The following RBFOX1 variants were observed in gnomAD, a reference collection of about 807,000 sequenced individuals.
The protein encoded by RBFOX1 is RNA binding fox-1 homolog 1, also known as RNA binding protein fox-1 homolog 1.
RBFOX1 carries 8 observed loss-of-function variants against 57.7 expected under a neutral mutation model. That is an observed-to-expected ratio of 0.14 (90% CI 0.08 to 0.25). The LOEUF (loss-of-function observed/expected upper bound fraction) is 0.25, where lower values mean the gene tolerates loss of function less well. Ranked by LOEUF, RBFOX1 falls within the 10% of genes least tolerant of loss-of-function variation. The probability of loss-of-function intolerance (pLI) is 1.00; values close to 1 mark genes in which losing one functional copy is unlikely to be tolerated. For synonymous variants in RBFOX1, 326 were observed against 222.4 expected (o/e 1.47, Z -4.15); for missense variants, 611 against 548.5 (o/e 1.11, Z -1.14).
intron 4 of RBFOX1, among the ~76,000 whole-genome samples, chr16:5,923,064 C>G (rs1473137214): frequency 2.6e-5 from 4 of 152,146 alleles, no homozygotes; most frequent in Non-Finnish European, 4.4e-5. Flanking sequence ...ATGGTTTTCA[C>G]ATTAACCTCT....
chr16:6,448,148 T>TTTTCTTTTC (rs1555478817), intron 2 of RBFOX1, among the ~76,000 whole-genome samples: 1 of 121,654 alleles, frequency 8.2e-6, no homozygotes, highest in African/African-American at 3.4e-5. Context: ...TTTTCTTTTC[T>TTTTCTTTTC]TTTCTTTCTT....
intron 3 of RBFOX1, among the ~76,000 whole-genome samples, chr16:6,798,663 C>G (rs1441856757): frequency 6.6e-6 from 1 of 152,134 alleles, no homozygotes; most frequent in African/African-American, 2.4e-5. Context: ...GCTTTTTTGG[C>G]TTTAATTTTG....
intron 13 of RBFOX1, among the ~76,000 whole-genome samples, chr16:7,666,981 T>A (rs1405964114): frequency 2.0e-5 from 3 of 152,286 alleles, no homozygotes; most frequent in Non-Finnish European, 4.4e-5. Context: ...AAACTGCCCT[T>A]TCTCTGACTT....
At chr16:6,652,278 A>G (rs1385435300) in intron 2 of RBFOX1, among the ~76,000 whole-genome samples, 1 of 152,126 alleles carries the variant, frequency 6.6e-6, no homozygotes, top group African/African-American at 2.4e-5. Flanking sequence ...GTGAAATCCC[A>G]TCTCTACTAA....
At chr16:6,224,264 G>C (rs1254900587) in intron 1 of RBFOX1, among the ~76,000 whole-genome samples, 2 of 151,972 alleles carry the variant, frequency 1.3e-5, no homozygotes, top group Non-Finnish European at 2.9e-5. Context: ...TAGCTTGATG[G>C]GGATGGCATT....
At chr16:5,292,665 C>G (rs748098348) in intron 1 of RBFOX1, among the ~76,000 whole-genome samples, 103 of 152,034 alleles carry the variant, frequency 6.8e-4, no homozygotes, top group Middle Eastern at 3.2e-3. Context: ...CTCTCTGTCA[C>G]CAGGCTGGAG....
intron 1 of RBFOX1, among the ~76,000 whole-genome samples, chr16:6,211,877 T>C (rs2152853971): frequency 6.6e-6 from 1 of 151,828 alleles, no homozygotes; most frequent in Middle Eastern, 3.4e-3. Context: ...TTTAACAGAG[T>C]CTCGCTCTGT....
intron 4 of RBFOX1, among the ~76,000 whole-genome samples, chr16:7,485,286 C>G (rs2065095283): frequency 6.6e-6 from 1 of 152,220 alleles, no homozygotes; most frequent in African/African-American, 2.4e-5. Context: ...CCTCATGTTT[C>G]CAGGCAGACC....
chr16:6,902,114 C>G (rs1375983655), intron 3 of RBFOX1, among the ~76,000 whole-genome samples: 2 of 152,112 alleles, frequency 1.3e-5, no homozygotes, highest in African/African-American at 2.4e-5. Context: ...AGGTGTCTTA[C>G]TTGAAACCAG....
At chr16:6,503,600 T>C (rs542609696) in intron 2 of RBFOX1, among the ~76,000 whole-genome samples, 2 of 152,312 alleles carry the variant, frequency 1.3e-5, no homozygotes, top group South Asian at 4.2e-4. Context: ...TGTGGCCTTT[T>C]CGGCAGGCTT....
chr16:7,168,220 G>C (rs913142111), intron 4 of RBFOX1, among the ~76,000 whole-genome samples: 2 of 152,188 alleles, frequency 1.3e-5, no homozygotes, highest in African/African-American at 4.8e-5. Context: ...TGGGAATGTG[G>C]TTCCCCTAGC....
chr16:6,098,206 T>C (rs942867568), intron 1 of RBFOX1, among the ~76,000 whole-genome samples: 2 of 152,202 alleles, frequency 1.3e-5, no homozygotes, highest in Admixed American at 1.3e-4. Flanking sequence ...GGAGGGCCTG[T>C]GTGACAGGCA....
chr16:7,203,486 T>C (rs2089184203), intron 4 of RBFOX1, among the ~76,000 whole-genome samples: 1 of 152,210 alleles, frequency 6.6e-6, no homozygotes, highest in Admixed American at 6.5e-5. Flanking sequence ...ACAATATAAA[T>C]ATACTTAATG....
chr16:6,855,675 T>C (rs997106987), intron 3 of RBFOX1, among the ~76,000 whole-genome samples: 1 of 151,726 alleles, frequency 6.6e-6, no homozygotes, highest in Non-Finnish European at 1.5e-5. Context: ...AAAAGATCTT[T>C]TAACTCTGGA....
chr16:6,430,737 C>G (rs1023137972), intron 2 of RBFOX1, among the ~76,000 whole-genome samples: 6 of 152,000 alleles, frequency 3.9e-5, no homozygotes, highest in African/African-American at 1.5e-4. Context: ...CCACCAAATG[C>G]TTGGCAACAA....
At chr16:7,062,589 A>C (rs6500913) in intron 4 of RBFOX1, among the ~76,000 whole-genome samples, 109,006 of 151,902 alleles carry the variant, frequency 0.72, 39,725 homozygotes, top group East Asian at 0.91. Flanking sequence ...AGTCTTGGAG[A>C]GAGGATAAAT....
chr16:6,350,227 G>T (rs1007577415), intron 2 of RBFOX1, among the ~76,000 whole-genome samples: 1 of 151,566 alleles, frequency 6.6e-6, no homozygotes, highest in African/African-American at 2.4e-5. Flanking sequence ...GCCTGAGGTC[G>T]GGAGTTCGAG....
At chr16:7,188,949 C>G (rs575479444) in intron 4 of RBFOX1, among the ~76,000 whole-genome samples, 1 of 152,020 alleles carries the variant, frequency 6.6e-6, no homozygotes, top group Non-Finnish European at 1.5e-5. Flanking sequence ...ATAATTGCAG[C>G]CTGGGTAGCT....
At chr16:5,376,887 C>A (rs969977260) in intron 1 of RBFOX1, among the ~76,000 whole-genome samples, 3 of 150,096 alleles carry the variant, frequency 2.0e-5, no homozygotes, top group Non-Finnish European at 4.4e-5. Context: ...CCAAGTGGCC[C>A]CTGGGACTAG....
Sources: allele counts gnomAD v4.1 joint callset (sites outside exome capture counted in the v4.1 genomes callset), GRCh38; gene constraint gnomAD v4.1.1; transcripts MANE v1.5; gene names NCBI Gene and HGNC (gene_info 2026-07-23, HGNC 2026-07-21).